Variants in HDAC4 observed in about 807,000 individuals in gnomAD.
The protein encoded by HDAC4 is histone deacetylase 4.
HDAC4 carries 16 observed loss-of-function variants against 135.1 expected under a neutral mutation model. That is an observed-to-expected ratio of 0.12 (90% CI 0.08 to 0.18). HDAC4 has a LOEUF of 0.18. HDAC4 is among the 10% of genes least tolerant of loss of function. The pLI is 1.00. For missense variants in HDAC4, 1,143 were observed against 1,511.8 expected, an observed-to-expected ratio of 0.76 and a Z score of 4.05; for synonymous variants, 685 against 653.4, an observed-to-expected ratio of 1.05 and a Z score of -0.74.
chr2:239,390,336 A>C (rs1274417403), intron 1 of HDAC4, among the ~76,000 whole-genome samples: 1 of 152,194 alleles, frequency 6.6e-6, no homozygotes, highest in Non-Finnish European at 1.5e-5. Context: ...GTTTGAGACC[A>C]GCCATGGACA....
intron 2 of HDAC4, among the ~76,000 whole-genome samples, chr2:239,291,529 C>T (rs1372835036): frequency 1.3e-5 from 2 of 152,218 alleles, no homozygotes; most frequent in Non-Finnish European, 2.9e-5. Flanking sequence ...GCCGCTAGGT[C>T]GCCCCTCTGG....
chr2:239,148,515 G>T (rs1434822655), intron 7 of HDAC4, among the ~76,000 whole-genome samples: 2 of 152,162 alleles, frequency 1.3e-5, no homozygotes, highest in Admixed American at 6.5e-5. Context: ...GGGGACAAAG[G>T]CTCGGCCTTG....
intron 2 of HDAC4, among the ~76,000 whole-genome samples, chr2:239,237,640 G>A (rs938501768): frequency 6.6e-6 from 1 of 151,674 alleles, no homozygotes; most frequent in Non-Finnish European, 1.5e-5. Flanking sequence ...GCCAACCCGT[G>A]CATGTCCTTG....
chr2:239,265,370 T>C (rs943753768), intron 2 of HDAC4, among the ~76,000 whole-genome samples: 12 of 152,220 alleles, frequency 7.9e-5, no homozygotes, highest in African/African-American at 2.9e-4. Context: ...AGCCCAGCAA[T>C]GGGTGTGGTT....
chr2:239,245,986 G>T lies in HDAC4; in HGVS notation c.23-9322C>A, dbSNP rs2048437000. ...GCCTGGCCCCGGCCCAGCAGAACCG[G>T]CAACCCACACTGGCTGCCTGCGTCC... On this transcript the variant is annotated intron_variant, in intron 2 of 26. Coordinates refer to ENST00000543185, the MANE Select transcript of HDAC4 (RefSeq NM_001378414.1). The surrounding 1 kb of genome is among the most constrained non-coding windows in gnomAD (Gnocchi z 4.4). Among the ~76,000 whole-genome samples the T allele has an allele frequency of 1.3e-5, 2 of 152,164 alleles. No homozygotes were observed. The highest frequency in any genetic ancestry group is 2.9e-5 in the Non-Finnish European group (2 of 68,032).
chr2:239,082,308 C>T, intron 20 of HDAC4, 87 bp from the exon 21 acceptor site: 1 of 1,545,542 alleles, frequency 6.5e-7, no homozygotes, highest in Non-Finnish European at 8.9e-7. Flanking sequence ...CCCAGTTGTG[C>T]TTAGTGACAA....
chr2:239,268,482 T>C (rs535185412), intron 2 of HDAC4, among the ~76,000 whole-genome samples: 1 of 152,376 alleles, frequency 6.6e-6, no homozygotes, highest in East Asian at 1.9e-4. Context: ...CAAATTTCTC[T>C]CTGAGTTCTA....
intron 14 of HDAC4, among the ~76,000 whole-genome samples, chr2:239,111,176 G>A (rs1425656515): frequency 3.3e-5 from 5 of 152,354 alleles, no homozygotes; most frequent in East Asian, 1.9e-4. Flanking sequence ...GGGAGTAAGC[G>A]GAGAAGCGTG....
In HDAC4 at chr2:239,248,266, C is replaced by T. The variant is rs181927337; in HGVS notation, c.23-11602G>A. On this transcript the variant is annotated intron_variant, in intron 2 of 26. Transcript: ENST00000543185. ...CGTGATCTCGGCTCACTGCAACCTC[C>T]GCCTCCCGGGTTCAAGCAATTCTCC... is the stretch of plus-strand genomic sequence containing the variant. 5.9e-3 allele frequency among the ~76,000 whole-genome samples: 892 copies of T among 152,014 alleles called. 10 individuals are homozygous for T. The highest frequency in any genetic ancestry group is 0.021 in the African/African-American group (855 of 41,470).
At chr2:239,089,874 G>C in intron 18 of HDAC4, 135 bp downstream of exon 18, 1 of 722,372 alleles carries the variant, frequency 1.4e-6, no homozygotes, top group Non-Finnish European at 2.6e-6. Flanking sequence ...TGTGCTGACA[G>C]AGTGGGGTCC....
At chr2:239,225,558 G>C (rs890889750) in intron 3 of HDAC4, among the ~76,000 whole-genome samples, 5 of 152,242 alleles carry the variant, frequency 3.3e-5, no homozygotes, top group Non-Finnish European at 7.3e-5. Context: ...GGTGGAGCCT[G>C]GCTGGGCTCA....
At chr2:239,083,698 G>A (rs1294670931) in intron 20 of HDAC4, among the ~76,000 whole-genome samples, 3 of 152,166 alleles carry the variant, frequency 2.0e-5, no homozygotes, top group Non-Finnish European at 4.4e-5. Flanking sequence ...TCTTTTGGGG[G>A]CAGTGGCACC....
At chr2:239,125,757 G>C (rs1023423372) in intron 12 of HDAC4, among the ~76,000 whole-genome samples, 6 of 152,256 alleles carry the variant, frequency 3.9e-5, no homozygotes, top group African/African-American at 1.4e-4. Flanking sequence ...GAGCATCACA[G>C]TGCTAGCCTT....
At chr2:239,111,942 G>A (rs923767325) in intron 13 of HDAC4, among the ~76,000 whole-genome samples, 8 of 152,178 alleles carry the variant, frequency 5.3e-5, no homozygotes, top group South Asian at 2.1e-4. Context: ...CTCCCAGGAC[G>A]GTCTCTCTAG....
chr2:239,070,526 T>C (rs2034071017), intron 22 of HDAC4, among the ~76,000 whole-genome samples: 1 of 152,264 alleles, frequency 6.6e-6, no homozygotes, highest in Non-Finnish European at 1.5e-5. Flanking sequence ...AGCAGTTTCA[T>C]GTCTCCTTTA....
Position 239,082,156 on chromosome 2 carries a change from G to A in HDAC4, c.2598C>T (p.Ser866=), listed in dbSNP as rs201798579. The change falls in exon 21 of 27, where the codon TCC becomes TCT. Residue 866 remains serine, a synonymous_variant. Transcript: ENST00000543185. Reference sequence around the variant, plus strand: ...AGTTCCCATCGTCGTAGCGGTGGAGGGACATGTACAGGACGCTGGGGTCGC... The same window carrying A: ...AGTTCCCATCGTCGTAGCGGTGGAGAGACATGTACAGGACGCTGGGGTCGC... The part of the protein sequence containing the change: ...FYSDPSVLYM[S]LHRYDDGNFF... The A allele has an allele frequency of 1.1e-4, 176 of 1,614,058 alleles. No individual in the cohort carries two copies. Among genetic ancestry groups the A allele is most frequent in the Non-Finnish European group, 1.2e-4 (138 of 1,180,028 alleles).
intron 1 of HDAC4, among the ~76,000 whole-genome samples, chr2:239,367,705 T>C (rs1213130265): frequency 1.3e-5 from 2 of 152,202 alleles, no homozygotes; most frequent in Non-Finnish European, 2.9e-5. Context: ...AAATTTCATG[T>C]TTAGGCTGGG....
chr2:239,149,067 G>T (rs929084164), intron 7 of HDAC4, among the ~76,000 whole-genome samples: 1 of 152,148 alleles, frequency 6.6e-6, no homozygotes, highest in African/African-American at 2.4e-5. Context: ...ACATCATGGG[G>T]GTCTATGTAA....
intron 3 of HDAC4, among the ~76,000 whole-genome samples, chr2:239,235,401 G>A (rs1468238732): frequency 1.3e-5 from 2 of 152,238 alleles, no homozygotes; most frequent in Non-Finnish European, 2.9e-5. Context: ...GGGGTGATGA[G>A]TGGGTCTAAC....
Sources: gnomAD v4.1 joint callset for allele counts (sites outside exome capture counted in the v4.1 genomes callset) on GRCh38, gnomAD v4.1.1 for gene constraint, Gnocchi (gnomAD v3.1) non-coding constraint, MANE v1.5 for transcripts, NCBI Gene and HGNC (gene_info 2026-07-23, HGNC 2026-07-21) for gene names.